Variants in SLCO3A1 observed in about 807,000 individuals in gnomAD.
SLCO3A1 encodes the protein solute carrier organic anion transporter family member 3A1, also known as PGE1 transporter.
Under a neutral mutation model 63.1 loss-of-function variants are expected in SLCO3A1, and 27 were observed. That is an observed-to-expected ratio of 0.43 (90% confidence interval 0.32 to 0.59). The LOEUF is 0.59. Ranked by LOEUF, SLCO3A1 falls within the 20% of genes least tolerant of loss-of-function variation. The pLI is 0.09. For missense variants in SLCO3A1, 773 were observed against 945.8 expected, an observed-to-expected ratio of 0.82 and a Z score of 2.40; for synonymous variants, 473 against 409.9, an observed-to-expected ratio of 1.15 and a Z score of -1.86.
rs1205094907 is a variant in SLCO3A1, at chr15:92,151,025, T to G, written c.1753+11T>G. 8 of 1,580,750 alleles carry G rather than the reference T, an allele frequency of 5.1e-6. No individual in the cohort carries two copies. The South Asian group carries it at 9.0e-5, about 18-fold the overall frequency. ...TCCTTCGTTTGTTGGGTATGTATTA[T>G]CTCTTTATTTCCTCAATAATGAATT... is the stretch of plus-strand genomic sequence containing the variant. On this transcript the variant is annotated intron_variant, in intron 9 of 9. Transcript: ENST00000318445.
chr15:92,027,352 A>G (rs561537610), intron 2 of SLCO3A1, among the ~76,000 whole-genome samples: 1 of 152,386 alleles, frequency 6.6e-6, no homozygotes, highest in African/African-American at 2.4e-5. Context: ...TGTGTAAGAC[A>G]CAGGCTAATG....
rs570134712 is a variant in SLCO3A1 at position 92,092,209 on chromosome 15, T to C, written c.647-2672T>C. ...ACAGTCTCGATGCAACCCCTTCAGC[T>C]TGTTGGTTGTTTCTGTTTTTCCAAG... On this transcript the variant is annotated intron_variant, in intron 2 of 9. Coordinates refer to ENST00000318445, the MANE Select transcript of SLCO3A1 (RefSeq NM_013272.4). Among the ~76,000 whole-genome samples the C allele has an allele frequency of 2.0e-5, 3 of 152,288 alleles. No individual in the cohort carries two copies. The East Asian group carries it at 5.8e-4, about 30-fold the overall frequency.
chr15:91,932,223 G>A (rs1899260698), intron 2 of SLCO3A1, among the ~76,000 whole-genome samples: 1 of 152,236 alleles, frequency 6.6e-6, no homozygotes, highest in South Asian at 2.1e-4. Flanking sequence ...AATGTTCACT[G>A]ATCAAATCTG....
chr15:92,146,671 G>C (rs1442198281), intron 7 of SLCO3A1, among the ~76,000 whole-genome samples: 1 of 152,194 alleles, frequency 6.6e-6, no homozygotes, highest in East Asian at 1.9e-4. Context: ...TCATATTGTG[G>C]AAGCGCAATT....
rs75017678 is a variant in SLCO3A1, at chr15:92,106,155, G to A, written c.1009+1613G>A. 6.4e-3 allele frequency among the ~76,000 whole-genome samples: 969 copies of A among 152,318 alleles called. 11 individuals are homozygous for A. The highest frequency in any genetic ancestry group is 0.021 in the African/African-American group (878 of 41,568). ...CATGAGAAATCTCAAGAACTTGTGC[G>A]ATTTCTGAAAAGAGACAAATTTAAT... On this transcript the variant is annotated intron_variant, in intron 4 of 9. Transcript: ENST00000318445.
At chr15:91,921,129 G>T (rs1355514826) in intron 2 of SLCO3A1, among the ~76,000 whole-genome samples, 1 of 152,178 alleles carries the variant, frequency 6.6e-6, no homozygotes, top group Admixed American at 6.5e-5. Flanking sequence ...AGATTAAGGT[G>T]CCACAGGGTT....
intron 1 of SLCO3A1, among the ~76,000 whole-genome samples, chr15:91,908,002 C>T (rs1898365751): frequency 6.6e-6 from 1 of 152,158 alleles, no homozygotes; most frequent in Admixed American, 6.5e-5. Flanking sequence ...AGCCACCACG[C>T]ACAACCCCAG....
chr15:92,149,025 T>TA (rs1190165782), intron 8 of SLCO3A1: 1 of 152,254 alleles, frequency 6.6e-6, no homozygotes, highest in Non-Finnish European at 1.5e-5. Context: ...TTCGTGAAGT[T>TA]ATATTGTGAT....
At chr15:92,059,936 A>C (rs942334101) in intron 2 of SLCO3A1, among the ~76,000 whole-genome samples, 2 of 152,158 alleles carry the variant, frequency 1.3e-5, no homozygotes, top group Non-Finnish European at 2.9e-5. Context: ...CCTACCGTAC[A>C]CCTAGGCTAT....
chr15:92,157,666 C>T (rs981295676), intron 9 of SLCO3A1, among the ~76,000 whole-genome samples: 1 of 152,056 alleles, frequency 6.6e-6, no homozygotes, highest in Non-Finnish European at 1.5e-5. Flanking sequence ...CACTGAATCA[C>T]AGCTTGAAAG....
rs896551134 is a variant in SLCO3A1 at position 91,912,439 on chromosome 15, A to G, written c.181-3554A>G. Among the ~76,000 whole-genome samples the G allele has an allele frequency of 6.6e-6, 1 of 152,208 alleles. No individual in the cohort carries two copies. The highest frequency in any genetic ancestry group is 1.9e-4 in the East Asian group (1 of 5,190). ...CTGTCACCCCTGTGCGTTGCTCTGCAAAGAGCAGGTGGGAGCCAGGACAAG... is the reference window on the plus strand; with the variant it reads ...CTGTCACCCCTGTGCGTTGCTCTGCGAAGAGCAGGTGGGAGCCAGGACAAG... On this transcript the variant is annotated intron_variant, in intron 1 of 9. Coordinates refer to ENST00000318445, the MANE Select transcript of SLCO3A1 (RefSeq NM_013272.4). The surrounding 1 kb of genome is among the most constrained non-coding windows in gnomAD (Gnocchi z 5.0).
intron 1 of SLCO3A1, among the ~76,000 whole-genome samples, chr15:91,876,896 A>C (rs902314816): frequency 4.6e-5 from 7 of 152,194 alleles, no homozygotes; most frequent in Admixed American, 2.6e-4. Flanking sequence ...TTGCCTGCCC[A>C]CACACACTAA....
intron 4 of SLCO3A1, 100 bp from the exon 5 acceptor site, chr15:92,120,365 C>T (rs1039323713): frequency 7.9e-7 from 1 of 1,262,656 alleles, no homozygotes; most frequent in Non-Finnish European, 1.1e-6. Flanking sequence ...CTGAAATGGA[C>T]AAGAGCGGGC....
intron 2 of SLCO3A1, among the ~76,000 whole-genome samples, chr15:92,084,905 C>T (rs1289713290): frequency 6.6e-6 from 1 of 152,236 alleles, no homozygotes; most frequent in African/African-American, 2.4e-5. Context: ...AGTGAGCCTG[C>T]AGAAGCCGCA....
intron 2 of SLCO3A1, among the ~76,000 whole-genome samples, chr15:91,928,301 A>G (rs1329155315): frequency 6.6e-6 from 1 of 152,182 alleles, no homozygotes; most frequent in African/African-American, 2.4e-5. Flanking sequence ...TATTTTGCAT[A>G]TACTCTCTCA....
At chr15:92,132,459 A>T (rs902403968) in intron 7 of SLCO3A1, among the ~76,000 whole-genome samples, 1 of 145,184 alleles carries the variant, frequency 6.9e-6, no homozygotes, top group Non-Finnish European at 1.5e-5. Flanking sequence ...CCAAAAAAAA[A>T]TTGAGTTAAT....
chr15:91,935,911 G>A (rs945886274), intron 2 of SLCO3A1, among the ~76,000 whole-genome samples: 1 of 151,990 alleles, frequency 6.6e-6, no homozygotes, highest in Non-Finnish European at 1.5e-5. Flanking sequence ...AAACATAAGA[G>A]GAAATATAAG....
At chr15:91,994,143 A>G (rs2046161496) in intron 2 of SLCO3A1, among the ~76,000 whole-genome samples, 1 of 152,216 alleles carries the variant, frequency 6.6e-6, no homozygotes, top group African/African-American at 2.4e-5. Context: ...AAGATAATCT[A>G]TTATGTAGCA....
intron 7 of SLCO3A1, among the ~76,000 whole-genome samples, chr15:92,139,323 A>G (rs55744291): frequency 0.35 from 52,326 of 147,942 alleles, 9,845 homozygotes; most frequent in African/African-American, 0.47. Flanking sequence ...CCAGGGATGA[A>G]GCCCACTTGA....
Sources: allele counts gnomAD v4.1 joint callset (sites outside exome capture counted in the v4.1 genomes callset), GRCh38; gene constraint gnomAD v4.1.1; non-coding constraint Gnocchi (gnomAD v3.1); transcripts MANE v1.5; gene names NCBI Gene and HGNC (gene_info 2026-07-23, HGNC 2026-07-21).